Variants in PRPSAP1 observed in about 807,000 individuals in gnomAD.
PRPSAP1 encodes phosphoribosyl pyrophosphate synthetase associated protein 1, also known as phosphoribosyl pyrophosphate synthase-associated protein 1.
A neutral mutation model predicts 39.4 loss-of-function variants in PRPSAP1; 31 were observed. The ratio of observed to expected loss-of-function variants is 0.79; its 90% CI spans 0.59 to 1.06. PRPSAP1 has a LOEUF of 1.06. Ranked by LOEUF, PRPSAP1 falls within the 50% of genes least tolerant of loss-of-function variation. The pLI is 0.00. For missense variants in PRPSAP1, 430 were observed against 511.6 expected (o/e 0.84, Z 1.54); for synonymous variants, 212 against 192.6 (o/e 1.10, Z -0.83).
intron 3 of PRPSAP1, among the ~76,000 whole-genome samples, chr17:76,334,806 T>C (rs1260061015): frequency 1.3e-5 from 2 of 152,212 alleles, no homozygotes; most frequent in Admixed American, 6.5e-5. Flanking sequence ...AAATTAATAA[T>C]GCCAAGTCTG....
chr17:76,334,587 T>G (rs1466858742), intron 3 of PRPSAP1, among the ~76,000 whole-genome samples: 1 of 152,012 alleles, frequency 6.6e-6, no homozygotes, highest in Non-Finnish European at 1.5e-5. Flanking sequence ...ACCCTTGTAA[T>G]TTGGATTTTT....
rs1429123405 is a variant in PRPSAP1, at chr17:76,316,698, T to C, written c.782-2807A>G. Among the ~76,000 whole-genome samples the C allele has an allele frequency of 2.6e-5, 4 of 152,238 alleles. No individual in the cohort carries two copies. In the East Asian group the frequency reaches 7.7e-4, roughly 29 times the overall value. ...CATGAATAAAATGAATTGTGCAACA[T>C]TACTTGCGGCCAGAAATCACTGTGA... On this transcript the variant is annotated intron_variant, in intron 7 of 9. Coordinates refer to ENST00000446526, the MANE Select transcript of PRPSAP1 (RefSeq NM_002766.3).
At chr17:76,330,427 T>C (rs1422184999) in intron 5 of PRPSAP1, 124 bp downstream of exon 5, 1 of 716,200 alleles carries the variant, frequency 1.4e-6, no homozygotes, top group Admixed American at 3.1e-5. Context: ...GTCTGCTGCC[T>C]CAGGCATTGT....
At chr17:76,319,176 G>A (rs1045143605) in intron 7 of PRPSAP1, among the ~76,000 whole-genome samples, 2 of 152,034 alleles carry the variant, frequency 1.3e-5, no homozygotes, top group Non-Finnish European at 2.9e-5. Context: ...CTGACCTCGT[G>A]ATCTGCCTGC....
chr17:76,328,660 A>C lies in PRPSAP1; in HGVS notation c.781+57T>G, dbSNP rs1047422497. The C allele has an allele frequency of 5.7e-6, 9 of 1,568,228 alleles. No homozygotes were observed. The Middle Eastern group carries it at 5.0e-4, about 87-fold the overall frequency. On this transcript the variant is annotated intron_variant, in intron 7 of 9. Coordinates refer to ENST00000446526, the MANE Select transcript of PRPSAP1 (RefSeq NM_002766.3). Reference sequence around the variant, plus strand: ...AACAACAACAAAACCAACAAAACCAACAAAAAAAAACTTTCTTCAATTTAC... The same window carrying C: ...AACAACAACAAAACCAACAAAACCACCAAAAAAAAACTTTCTTCAATTTAC...
intron 7 of PRPSAP1, among the ~76,000 whole-genome samples, chr17:76,321,117 C>T (rs1269236327): frequency 6.6e-6 from 1 of 152,104 alleles, no homozygotes; most frequent in Non-Finnish European, 1.5e-5. Context: ...GTGCTCGTTT[C>T]ATGTTTCTGT....
intron 3 of PRPSAP1, among the ~76,000 whole-genome samples, chr17:76,332,930 G>A (rs1024394847): frequency 9.8e-4 from 146 of 148,464 alleles, no homozygotes; most frequent in African/African-American, 3.5e-3. Flanking sequence ...TCTCGCTGTC[G>A]CCCAGGTTGG....
chr17:76,325,079 AAAAAG>A (rs2071240253), intron 7 of PRPSAP1, among the ~76,000 whole-genome samples: 1 of 148,892 alleles, frequency 6.7e-6, no homozygotes. Flanking sequence ...CAAAAAAAAA[AAAAAG>A]AAAAGAAAAA....
At position 76,353,720 on chromosome 17, in the gene PRPSAP1, C is replaced by T. The variant is rs1195151601; in HGVS notation, c.-17G>A. 6.9e-7 allele frequency: 1 copy of T among 1,442,226 alleles called. No homozygotes were observed. Among genetic ancestry groups the T allele is most frequent in the South Asian group, 1.5e-5 (1 of 68,466 alleles). 89.3% of individuals were successfully genotyped at this position (1,442,226 alleles called of 1,614,324 possible). ...CTTGGGCATCGTCCGGCCCGCGGCG[C>T]GGTTACGACCGGCCCCGCGCGGGGC... On this transcript the variant is annotated 5_prime_UTR_variant, in exon 1 of 10. Coordinates refer to ENST00000446526, the MANE Select transcript of PRPSAP1 (RefSeq NM_002766.3).
intron 4 of PRPSAP1, among the ~76,000 whole-genome samples, 195 bp from the exon 5 acceptor site, chr17:76,330,861 T>C (rs2071314343): frequency 6.6e-6 from 1 of 152,196 alleles, no homozygotes; most frequent in Non-Finnish European, 1.5e-5. Context: ...ACCTTCCACA[T>C]GGACAAAGAA....
chr17:76,350,394 G>A (rs561269805), intron 1 of PRPSAP1, among the ~76,000 whole-genome samples: 2 of 151,692 alleles, frequency 1.3e-5, no homozygotes, highest in Admixed American at 6.6e-5. Flanking sequence ...AGCAGAGATC[G>A]TGCCACTGCA....
Position 76,332,392 on chromosome 17 carries a change from C to T in PRPSAP1, c.334G>A (p.Ala112Thr), listed in dbSNP as rs760662338. 4.3e-6 allele frequency: 7 copies of T among 1,614,160 alleles called. No homozygotes were observed. The Admixed American group carries it at 8.3e-5, about 19-fold the overall frequency. ...TTCCTGGCACAGGCAGTCTTCAGTGCGTAAGCCATGATGAGCAACTCCATC... is the reference window on the plus strand; with the variant it reads ...TTCCTGGCACAGGCAGTCTTCAGTGTGTAAGCCATGATGAGCAACTCCATC... ...AVMELLIMAYALKTACARNII... is the reference protein window; with the variant it reads ...AVMELLIMAYTLKTACARNII... The change falls in exon 4 of 10, where the codon GCA becomes ACA. Residue 112 changes from alanine to threonine, a missense_variant. Physicochemically the swap from Ala to Thr is moderately conservative, Grantham distance 58 (BLOSUM62 0). This residue lies in a region of PRPSAP1 where 278 missense variants were observed against 376.3 expected (regional missense o/e 0.74). Transcript: ENST00000446526.
chr17:76,313,266 C>A, intron 8 of PRPSAP1: 1 of 376,162 alleles, frequency 2.7e-6, no homozygotes, highest in Non-Finnish European at 4.7e-6. Flanking sequence ...TGAGGATTGC[C>A]AACACTCATT....
chr17:76,319,857 G>A (rs943438720), intron 7 of PRPSAP1, among the ~76,000 whole-genome samples: 1 of 152,184 alleles, frequency 6.6e-6, no homozygotes, highest in Non-Finnish European at 1.5e-5. Flanking sequence ...GATGAACACG[G>A]GGCGTGGTTA....
chr17:76,340,822 G>C (rs1301950870), intron 3 of PRPSAP1, among the ~76,000 whole-genome samples: 1 of 151,556 alleles, frequency 6.6e-6, no homozygotes, highest in Non-Finnish European at 1.5e-5. Context: ...CCTGGGAGGC[G>C]GGGGTTGTGG....
intron 8 of PRPSAP1, 112 bp downstream of exon 8, chr17:76,313,709 A>G (rs542976099): frequency 8.4e-7 from 1 of 1,189,086 alleles, no homozygotes; most frequent in South Asian, 1.3e-5. Context: ...GTGAGAAAGG[A>G]TACATGGATC....
At chr17:76,330,222 T>C (rs988765951) in intron 5 of PRPSAP1, 124 bp from the exon 6 acceptor site, 1 of 829,412 alleles carries the variant, frequency 1.2e-6, no homozygotes, top group Admixed American at 2.6e-5. Flanking sequence ...AGAATTTTAG[T>C]CACAAGTTTT....
intron 8 of PRPSAP1, 85 bp from the exon 9 acceptor site, chr17:76,313,101 G>T: frequency 6.9e-7 from 1 of 1,440,530 alleles, no homozygotes; most frequent in Non-Finnish European, 9.3e-7. Flanking sequence ...ACTCTCTTCT[G>T]CACTCAGTTT....
chr17:76,330,295 TA>T, intron 5 of PRPSAP1, 197 bp from the exon 6 acceptor site: 2 of 590,598 alleles, frequency 3.4e-6, no homozygotes, highest in East Asian at 5.7e-5. Flanking sequence ...AAGAATTTTT[TA>T]AAAATAATTC....
Sources: allele counts gnomAD v4.1 joint callset (sites outside exome capture counted in the v4.1 genomes callset), GRCh38; gene constraint gnomAD v4.1.1; regional missense constraint gnomAD v4.1.1; transcripts MANE v1.5; gene names NCBI Gene and HGNC (gene_info 2026-07-23, HGNC 2026-07-21).